The following NSDHL variants were observed in gnomAD, a reference collection of about 807,000 sequenced individuals.
NSDHL encodes NAD(P) dependent 3-beta-hydroxysteroid dehydrogenase NSDHL.
In NSDHL, 1 loss-of-function variant was observed where a neutral mutation model predicts 23.0. That is an observed-to-expected ratio of 0.04 (90% confidence interval 0.02 to 0.21). The LOEUF (loss-of-function observed/expected upper bound fraction) is 0.21, where lower values mean the gene tolerates loss of function less well. NSDHL is among the 10% of genes least tolerant of loss of function. The pLI, the probability that NSDHL is intolerant of heterozygous loss-of-function variation, is 1.00. For missense variants in NSDHL, 237 were observed against 300.9 expected (o/e 0.79, Z 1.57); for synonymous variants, 128 against 121.1 (o/e 1.06, Z -0.37).
At chrX:152,864,967 A>G (rs1933583763) in intron 5 of NSDHL, among the ~76,000 whole-genome samples, 1 of 112,297 alleles carries the variant, frequency 8.9e-6, no homozygotes, top group Admixed American at 9.4e-5. Context: ...AAGCATACAG[A>G]CACGCACTGA....
At chrX:152,835,295 CTT>C (rs200736261) in intron 1 of NSDHL, among the ~76,000 whole-genome samples, 3 of 101,372 alleles carry the variant, frequency 3.0e-5, no homozygotes, top group African/African-American at 1.1e-4. Flanking sequence ...TCACATCTCT[CTT>C]TTTTTTTTTT....
chrX:152,867,538 G>A lies in NSDHL; in HGVS notation c.687-33G>A, dbSNP rs1405998664. On this transcript the variant is annotated intron_variant, in intron 6 of 7. Coordinates refer to ENST00000370274, the MANE Select transcript of NSDHL (RefSeq NM_015922.3). ...CCTGGCCTTCGTGCAGGGGCTCCCA[G>A]CACGTATTCCATCATCCCTTGTGCA... The A allele has an allele frequency of 2.9e-6, 3 of 1,045,262 alleles. No homozygotes were observed. The African/African-American group carries it at 5.5e-5, about 19-fold the overall frequency. 86.1% of individuals were successfully genotyped at this position (1,045,262 alleles called of 1,213,427 possible).
intron 1 of NSDHL, among the ~76,000 whole-genome samples, chrX:152,837,874 C>T (rs1203013689): frequency 3.6e-5 from 4 of 111,876 alleles, no homozygotes; most frequent in African/African-American, 1.3e-4. Flanking sequence ...AGGAATAGTA[C>T]CAGCTCCTCT....
At chrX:152,851,448 C>T (rs1166163010) in intron 3 of NSDHL, among the ~76,000 whole-genome samples, 1 of 111,619 alleles carries the variant, frequency 9.0e-6, no homozygotes, top group Non-Finnish European at 1.9e-5. Flanking sequence ...GCCCGTTGTA[C>T]TTATTATGGA....
Position 152,862,686 on chromosome X carries a change from A to G in NSDHL, c.505A>G (p.Ile169Val), listed in dbSNP as rs782358581. 34 of 1,206,406 alleles carry G rather than the reference A, an allele frequency of 2.8e-5. No individual in the cohort carries two copies. The highest frequency in any genetic ancestry group is 3.5e-5 in the Non-Finnish European group (31 of 892,058). ...TEDLPYAMKP[I>V]DYYTETKILQ... ...AGACCTTCCCTATGCCATGAAACCC[A>G]TTGACTACTACACAGAGACTAAGAT... is the stretch of plus-strand genomic sequence containing the variant. The change falls in exon 5 of 8, where the codon ATT (isoleucine) becomes GTT (valine). Residue 169 changes from isoleucine to valine, a missense_variant. Physicochemically the swap from Ile to Val is conservative, Grantham distance 29. Coordinates refer to ENST00000370274, the MANE Select transcript of NSDHL (RefSeq NM_015922.3).
intron 1 of NSDHL, among the ~76,000 whole-genome samples, chrX:152,833,930 G>A (rs1933052549): frequency 8.9e-6 from 1 of 112,720 alleles, no homozygotes; most frequent in African/African-American, 3.2e-5. Flanking sequence ...GACACCTGGG[G>A]GTTCTTTTAC....
chrX:152,837,300 C>T (rs1279847475), intron 1 of NSDHL, among the ~76,000 whole-genome samples: 2 of 111,581 alleles, frequency 1.8e-5, no homozygotes, highest in African/African-American at 6.5e-5. Context: ...TTTCTCTTGC[C>T]TGATTGCCCT....
intron 3 of NSDHL, among the ~76,000 whole-genome samples, chrX:152,855,870 T>C (rs6653488): frequency 0.21 from 23,394 of 111,864 alleles, 2,006 homozygotes; most frequent in East Asian, 0.54. Context: ...CAGTAGTTCC[T>C]TAGTATCTAG....
At chrX:152,847,005 A>G (rs1933283947) in intron 2 of NSDHL, among the ~76,000 whole-genome samples, 1 of 112,537 alleles carries the variant, frequency 8.9e-6, no homozygotes. Flanking sequence ...TCAGTGCTGC[A>G]CTTCAAAAAT....
chrX:152,864,450 A>G (rs1933576194), intron 5 of NSDHL, among the ~76,000 whole-genome samples: 2 of 111,795 alleles, frequency 1.8e-5, no homozygotes, highest in African/African-American at 6.5e-5. Flanking sequence ...TCAACCCAAT[A>G]TGCCTGATAC....
intron 1 of NSDHL, among the ~76,000 whole-genome samples, chrX:152,839,671 G>A (rs1230884665): frequency 2.7e-5 from 3 of 112,914 alleles, no homozygotes; most frequent in Non-Finnish European, 5.6e-5. Flanking sequence ...GGGATCTGCT[G>A]TTAGTCTGAT....
At chrX:152,846,231 G>C (rs1933271137) in intron 1 of NSDHL, 51 bp from the exon 2 acceptor site, 1 of 662,285 alleles carries the variant, frequency 1.5e-6, no homozygotes, top group Non-Finnish European at 2.5e-6. Flanking sequence ...AACAACTAAA[G>C]ATGTTTTGAC....
chrX:152,861,612 T>C (rs1297363216), intron 4 of NSDHL, among the ~76,000 whole-genome samples: 1 of 112,945 alleles, frequency 8.9e-6, no homozygotes, highest in Non-Finnish European at 1.9e-5. Context: ...TTGACATCTT[T>C]CCCATATTGA....
chrX:152,868,412 C>T (rs963142215), intron 7 of NSDHL, among the ~76,000 whole-genome samples: 5 of 111,791 alleles, frequency 4.5e-5, no homozygotes, highest in Admixed American at 9.5e-5. Flanking sequence ...GGGTGACAGG[C>T]GTGAGCCACC....
intron 5 of NSDHL, among the ~76,000 whole-genome samples, chrX:152,863,943 A>G (rs1428539746): frequency 1.9e-5 from 2 of 103,355 alleles, no homozygotes; most frequent in Admixed American, 2.1e-4. Context: ...ATGGATTCTC[A>G]CTCTGTTGCC....
At chrX:152,855,738 C>T (rs781816278) in intron 3 of NSDHL, among the ~76,000 whole-genome samples, 2 of 111,830 alleles carry the variant, frequency 1.8e-5, no homozygotes, top group African/African-American at 3.2e-5. Flanking sequence ...CATGGCCAAT[C>T]GTGTTTCACC....
intron 1 of NSDHL, 68 bp downstream of exon 1, chrX:152,831,185 G>A: frequency 3.4e-6 from 1 of 293,411 alleles, no homozygotes; most frequent in Non-Finnish European, 6.0e-6. Flanking sequence ...GGAGGGTGGG[G>A]AGCTACGGGG....
In NSDHL at chrX:152,868,875, A is replaced by C; in HGVS notation, c.881A>C (p.His294Pro). 1 of 1,210,221 alleles carries C rather than the reference A, an allele frequency of 8.3e-7. No homozygotes were observed. Among genetic ancestry groups the C allele is most frequent in the East Asian group, 3.0e-5 (1 of 33,797 alleles). The change falls in exon 8 of 8, where the codon CAC becomes CCC. Residue 294 changes from histidine (H) to proline (P), a missense_variant. His to Pro is a moderately conservative substitution (Grantham distance 77). Coordinates refer to ENST00000370274, the MANE Select transcript of NSDHL (RefSeq NM_015922.3). ...CTCAATTATGAGGCCCCCAAGTACCACATCCCCTACTGGGTGGCCTACTAC... is the reference window on the plus strand; with the variant it reads ...CTCAATTATGAGGCCCCCAAGTACCCCATCCCCTACTGGGTGGCCTACTAC... The part of the protein sequence containing the change: ...TGLNYEAPKY[H>P]IPYWVAYYLA...
intron 4 of NSDHL, among the ~76,000 whole-genome samples, chrX:152,860,447 G>A (rs1232384261): frequency 9.0e-6 from 1 of 111,523 alleles, no homozygotes; most frequent in African/African-American, 3.3e-5. Context: ...CAGGTGTGGC[G>A]GCTCACACAT....
Sources: gnomAD v4.1 joint callset for allele counts (sites outside exome capture counted in the v4.1 genomes callset) on GRCh38, gnomAD v4.1.1 for gene constraint, MANE v1.5 for transcripts, NCBI Gene and HGNC (gene_info 2026-07-23, HGNC 2026-07-21) for gene names.